PCDHGA9: variants seen among roughly 807,000 people sequenced by gnomAD.
PCDHGA9 encodes the protein protocadherin gamma-A9.
A neutral mutation model predicts 62.5 loss-of-function variants in PCDHGA9; 37 were observed. The ratio of observed to expected loss-of-function variants is 0.59; its 90% CI spans 0.46 to 0.78. PCDHGA9 has a LOEUF of 0.78. Among genes scored for constraint, PCDHGA9 ranks in the 30% least tolerant of loss-of-function variants. PCDHGA9 has a pLI of 0.00. For synonymous variants in PCDHGA9, 459 were observed against 484.6 expected, an observed-to-expected ratio of 0.95 and a Z score of 0.69; for missense variants, 1,138 against 1,166.2, an observed-to-expected ratio of 0.98 and a Z score of 0.35.
intron 1 of PCDHGA9, chr5:141,413,265 T>A (rs1301684620): frequency 6.2e-7 from 1 of 1,613,840 alleles, no homozygotes; most frequent in African/African-American, 1.3e-5. Context: ...CATGGGAGGC[T>A]GGAGCCCGGC....
intron 1 of PCDHGA9, chr5:141,422,019 G>C: frequency 6.2e-7 from 1 of 1,610,862 alleles, no homozygotes; most frequent in Non-Finnish European, 8.5e-7. Context: ...GGGTGCTGAT[G>C]GTTAATGCAA....
intron 1 of PCDHGA9, chr5:141,441,337 T>A (rs980210130): frequency 6.6e-6 from 1 of 152,112 alleles, no homozygotes; most frequent in African/African-American, 2.4e-5. Flanking sequence ...CTCCAATAAT[T>A]AACTACATGC....
At chr5:141,442,737 G>A (rs1376026431) in intron 1 of PCDHGA9, among the ~76,000 whole-genome samples, 1 of 152,152 alleles carries the variant, frequency 6.6e-6, no homozygotes, top group Non-Finnish European at 1.5e-5. Flanking sequence ...CTGTAGGTAA[G>A]GAGCATGTTT....
intron 1 of PCDHGA9, chr5:141,418,372 A>G (rs771262387): frequency 3.1e-6 from 5 of 1,613,968 alleles, no homozygotes; most frequent in Non-Finnish European, 3.4e-6. Context: ...GCAAATACCA[A>G]CTAAGTCCTA....
intron 1 of PCDHGA9, chr5:141,407,920 C>T: frequency 2.1e-6 from 1 of 475,788 alleles, no homozygotes; most frequent in Non-Finnish European, 3.6e-6. Context: ...GCTGCTGTCC[C>T]GCACGGAGCC....
At chr5:141,423,702 C>T in intron 1 of PCDHGA9, 4 of 1,340,970 alleles carry the variant, frequency 3.0e-6, no homozygotes, top group South Asian at 1.6e-5. Flanking sequence ...GGTGTCTTGG[C>T]ACAAGTCTTT....
At chr5:141,458,563 G>T (rs1181785251) in intron 1 of PCDHGA9, among the ~76,000 whole-genome samples, 1 of 140,116 alleles carries the variant, frequency 7.1e-6, no homozygotes, top group Non-Finnish European at 1.5e-5. Context: ...TTTTGGTTTT[G>T]GGTTTTTGTT....
chr5:141,410,031 AG>A lies in PCDHGA9; in HGVS notation c.2424+4657del, dbSNP rs1303415196. ...GCCTGGCTGTCCTACCACGTGCTGCAGGCCAGTGAGCCCGGACTCTTCAGCC... is the reference window on the plus strand; with the variant it reads ...GCCTGGCTGTCCTACCACGTGCTGCAGCCAGTGAGCCCGGACTCTTCAGCC... On this transcript the variant is annotated intron_variant, in intron 1 of 3. Coordinates refer to ENST00000573521, the MANE Select transcript of PCDHGA9 (RefSeq NM_018921.3). 3.1e-6 allele frequency: 5 copies of A among 1,613,236 alleles called. No homozygotes were observed. In the South Asian group the frequency reaches 5.5e-5, roughly 18 times the overall value.
chr5:141,428,204 C>G, intron 1 of PCDHGA9: 2 of 1,324,722 alleles, frequency 1.5e-6, no homozygotes, highest in Non-Finnish European at 1.1e-6. Context: ...TGCGCCGCTA[C>G]GCTTCACCTA....
At chr5:141,425,827 T>C (rs2096896512) in intron 1 of PCDHGA9, among the ~76,000 whole-genome samples, 1 of 152,226 alleles carries the variant, frequency 6.6e-6, no homozygotes, top group South Asian at 2.1e-4. Context: ...AAACAAACTT[T>C]TAAATTCTCT....
At chr5:141,433,084 T>G in intron 1 of PCDHGA9, 1 of 1,614,184 alleles carries the variant, frequency 6.2e-7, no homozygotes, top group Non-Finnish European at 8.5e-7. Flanking sequence ...AGCCCAACTA[T>G]GCAGACATGC....
At chr5:141,510,334 C>G (rs1463634534) in intron 3 of PCDHGA9, among the ~76,000 whole-genome samples, 1 of 151,448 alleles carries the variant, frequency 6.6e-6, no homozygotes, top group African/African-American at 2.4e-5. Context: ...TCTTCACCCC[C>G]ACCCCACACA....
intron 1 of PCDHGA9, chr5:141,420,410 A>G (rs2096494809): frequency 2.4e-6 from 3 of 1,236,296 alleles, no homozygotes; most frequent in South Asian, 4.4e-5. Flanking sequence ...TATGGTTATC[A>G]TTATTAAAAC....
intron 1 of PCDHGA9, among the ~76,000 whole-genome samples, chr5:141,456,729 C>T (rs1337183677): frequency 6.6e-6 from 1 of 152,158 alleles, no homozygotes; most frequent in Non-Finnish European, 1.5e-5. Context: ...CTTTGGGAGG[C>T]TGAGGCGGGA....
chr5:141,431,460 A>C lies in PCDHGA9; in HGVS notation c.2424+26084A>C, dbSNP rs761879594. On this transcript the variant is annotated intron_variant, in intron 1 of 3. Coordinates refer to ENST00000573521, the MANE Select transcript of PCDHGA9 (RefSeq NM_018921.3). This position sits in a 1 kb window ranked among gnomAD's most constrained non-coding sequence, Gnocchi z 4.8. ...GCGCGCATCCGCGTGATGGTTCTGGATGCGAACGACAACGCACCAGCGTTT... is the reference window on the plus strand; with the variant it reads ...GCGCGCATCCGCGTGATGGTTCTGGCTGCGAACGACAACGCACCAGCGTTT... 8.1e-6 allele frequency: 13 copies of C among 1,613,676 alleles called. No individual in the cohort carries two copies. The highest frequency in any genetic ancestry group is 1.1e-5 in the Non-Finnish European group (13 of 1,179,984).
chr5:141,492,395 C>G (rs2099740183), intron 1 of PCDHGA9, among the ~76,000 whole-genome samples: 1 of 152,242 alleles, frequency 6.6e-6, no homozygotes, highest in African/African-American at 2.4e-5. Flanking sequence ...GGTCCACTCG[C>G]AGCTCCCCTC....
chr5:141,432,800 C>T lies in PCDHGA9; in HGVS notation c.2424+27424C>T. The T allele has an allele frequency of 6.2e-7, 1 of 1,614,156 alleles. No individual in the cohort carries two copies. The highest frequency in any genetic ancestry group is 8.5e-7 in the Non-Finnish European group (1 of 1,180,008). ...GGCGGACCTCGGCAGCCTCGAGTCT[C>T]CAGCTAACTCTGAAACCTCAGACCT... On this transcript the variant is annotated intron_variant, in intron 1 of 3. Transcript: ENST00000573521. This position sits in a 1 kb window ranked among gnomAD's most constrained non-coding sequence, Gnocchi z 6.0.
chr5:141,463,086 GC>G (rs1171354311), intron 1 of PCDHGA9, among the ~76,000 whole-genome samples: 1 of 152,098 alleles, frequency 6.6e-6, no homozygotes, highest in African/African-American at 2.4e-5. Context: ...ACATTTTCCA[GC>G]CCTATGTGAC....
chr5:141,423,755 G>GC (rs542747697), intron 1 of PCDHGA9: 5,773 of 512,484 alleles, frequency 0.011, 63 homozygotes, highest in Non-Finnish European at 0.014. Context: ...CTGTTTGGGG[G>GC]GGGGGTGGGG....
Sources: gnomAD v4.1 joint callset for allele counts (sites outside exome capture counted in the v4.1 genomes callset) on GRCh38, gnomAD v4.1.1 for gene constraint, Gnocchi (gnomAD v3.1) non-coding constraint, MANE v1.5 for transcripts, NCBI Gene and HGNC (gene_info 2026-07-23, HGNC 2026-07-21) for gene names.